The following PTPRU variants were observed in gnomAD, a reference collection of about 807,000 sequenced individuals.
The protein encoded by PTPRU is protein tyrosine phosphatase receptor type U.
PTPRU carries 69 observed loss-of-function variants against 166.3 expected under a neutral mutation model. The observed-to-expected ratio is 0.41, with a 90% CI of 0.34 to 0.51. The LOEUF (loss-of-function observed/expected upper bound fraction) is 0.51. Ranked by LOEUF, PTPRU falls within the 20% of genes least tolerant of loss-of-function variation. The pLI is 0.09. For missense variants in PTPRU, 1,657 were observed against 2,013.7 expected (o/e 0.82, Z 3.39); for synonymous variants, 793 against 814.0 (o/e 0.97, Z 0.44).
Position 29,238,828 on chromosome 1 carries a change from C to T in PTPRU, c.73+2111C>T, listed in dbSNP as rs2151936700. 6.6e-6 allele frequency among the ~76,000 whole-genome samples: 1 copy of T among 152,272 alleles called. No homozygotes were observed. The highest frequency in any genetic ancestry group is 2.1e-4 in the South Asian group (1 of 4,816). On this transcript the variant is annotated intron_variant, in intron 1 of 29. Coordinates refer to ENST00000373779, the MANE Select transcript of PTPRU (RefSeq NM_133178.4). The surrounding 1 kb of genome is among the most constrained non-coding windows in gnomAD (Gnocchi z 6.1). ...TTCAAGAACACTCACAAGCCCCAAGCCCTGCCAGCAGGAGGACTGTCAGGA... is the reference window on the plus strand; with the variant it reads ...TTCAAGAACACTCACAAGCCCCAAGTCCTGCCAGCAGGAGGACTGTCAGGA...
At position 29,260,127 on chromosome 1, in the gene PTPRU, C is replaced by CGTGGCCGGGGGGG; in HGVS notation, c.850+90_850+91insGGGGGGGTGGCCG. 1 of 413,188 alleles carries CGTGGCCGGGGGGG rather than the reference C, an allele frequency of 2.4e-6. No individual in the cohort carries two copies. The highest frequency in any genetic ancestry group is 3.5e-6 in the Non-Finnish European group (1 of 284,138). 25.6% of individuals were successfully genotyped at this position (413,188 alleles called of 1,614,324 possible). ...GACGGGGGCGGGCTCTGCCCGGGGGCGTGGCCGTGGGGGGTGGGGCCGGCA... is the reference window on the plus strand; with the variant it reads ...GACGGGGGCGGGCTCTGCCCGGGGGCGTGGCCGGGGGGGGTGGCCGTGGGGGGTGGGGCCGGCA... On this transcript the variant is annotated intron_variant, in intron 6 of 29. Coordinates refer to ENST00000373779, the MANE Select transcript of PTPRU (RefSeq NM_133178.4). This position sits in a 1 kb window ranked among gnomAD's most constrained non-coding sequence, Gnocchi z 8.3.
At chr1:29,298,505 G>T (rs185712399) in intron 15 of PTPRU, among the ~76,000 whole-genome samples, 1 of 152,302 alleles carries the variant, frequency 6.6e-6, no homozygotes, top group African/African-American at 2.4e-5. Flanking sequence ...GGTAACTGGT[G>T]GCGGGGCTGG....
rs1313830904 is a variant in PTPRU, at chr1:29,257,482, G to A, written c.206-1023G>A. ...GGAGGAGGCAGCGCTGGGTGGTTTC[G>A]GGTGCCCTTTGGGAAGCCCAAATCC... On this transcript the variant is annotated intron_variant, in intron 2 of 29. Transcript: ENST00000373779. This position sits in a 1 kb window ranked among gnomAD's most constrained non-coding sequence, Gnocchi z 4.6. Among the ~76,000 whole-genome samples, 2 of 152,136 alleles carry A rather than the reference G, an allele frequency of 1.3e-5. No individual in the cohort carries two copies. Among genetic ancestry groups the A allele is most frequent in the African/African-American group, 4.8e-5 (2 of 41,420 alleles).
intron 15 of PTPRU, among the ~76,000 whole-genome samples, 159 bp from the exon 16 acceptor site, chr1:29,303,696 A>T (rs1039967957): frequency 4.6e-5 from 7 of 152,192 alleles, no homozygotes; most frequent in African/African-American, 1.7e-4. Flanking sequence ...GTTCAGGACC[A>T]CACAGGGTGG....
At chr1:29,269,233 T>C (rs1685435712) in intron 7 of PTPRU, among the ~76,000 whole-genome samples, 1 of 41,976 alleles carries the variant, frequency 2.4e-5, no homozygotes, top group Non-Finnish European at 5.2e-5. Flanking sequence ...TATATATATA[T>C]ATATATATAT....
At chr1:29,241,441 T>A (rs1350861906) in intron 1 of PTPRU, among the ~76,000 whole-genome samples, 1 of 151,794 alleles carries the variant, frequency 6.6e-6, no homozygotes, top group Admixed American at 6.6e-5. Context: ...GGTGCCTGAG[T>A]GTCTGGTTGT....
chr1:29,299,220 A>C (rs181830051), intron 15 of PTPRU, among the ~76,000 whole-genome samples: 5 of 152,332 alleles, frequency 3.3e-5, no homozygotes, highest in African/African-American at 9.6e-5. Flanking sequence ...TCTGGGCCTC[A>C]GCCCTCCCCA....
chr1:29,247,386 G>A (rs995830758), intron 1 of PTPRU, among the ~76,000 whole-genome samples: 1 of 152,204 alleles, frequency 6.6e-6, no homozygotes, highest in Non-Finnish European at 1.5e-5. Context: ...GCACACTGTG[G>A]GCTCTGCTCC....
rs1574711747 is a variant in PTPRU at position 29,311,112 on chromosome 1, C to T, written c.2857+332C>T. On this transcript the variant is annotated intron_variant, in intron 19 of 29. Coordinates refer to ENST00000373779, the MANE Select transcript of PTPRU (RefSeq NM_133178.4). This position sits in a 1 kb window ranked among gnomAD's most constrained non-coding sequence, Gnocchi z 4.1. Reference sequence around the variant, plus strand: ...CCTCATGGGTGTGGGTTGGGCCTCTCGGTCTGGTGGCTGCCTGGATTCTTC... The same window carrying T: ...CCTCATGGGTGTGGGTTGGGCCTCTTGGTCTGGTGGCTGCCTGGATTCTTC... Among the ~76,000 whole-genome samples, 6 of 152,296 alleles carry T rather than the reference C, an allele frequency of 3.9e-5. No homozygotes were observed. The highest frequency in any genetic ancestry group is 1.9e-4 in the East Asian group (1 of 5,178).
rs1396123555 is a variant in PTPRU at position 29,237,609 on chromosome 1, G to A, written c.73+892G>A. Among the ~76,000 whole-genome samples the A allele has an allele frequency of 5.9e-5, 9 of 151,620 alleles. No individual in the cohort carries two copies. The highest frequency in any genetic ancestry group is 1.5e-4 in the African/African-American group (6 of 41,354). On this transcript the variant is annotated intron_variant, in intron 1 of 29. Transcript: ENST00000373779. This position sits in a 1 kb window ranked among gnomAD's most constrained non-coding sequence, Gnocchi z 6.4. The stretch of plus-strand genomic sequence containing the variant: ...GCGCGCTGGGCCGGAACAAGTTGTC[G>A]CGGCGGCGCCCCCTGGGCTGCCCGG...
At chr1:29,268,883 C>A (rs763289558) in intron 7 of PTPRU, among the ~76,000 whole-genome samples, 13 of 152,174 alleles carry the variant, frequency 8.5e-5, no homozygotes, top group Non-Finnish European at 1.6e-4. Flanking sequence ...ACCCAGGTTT[C>A]ATGATGACGG....
intron 13 of PTPRU, among the ~76,000 whole-genome samples, chr1:29,284,177 G>A (rs1686234823): frequency 6.6e-6 from 1 of 152,180 alleles, no homozygotes; most frequent in African/African-American, 2.4e-5. Context: ...CAGGGGCCTG[G>A]AGCAGGCTTG....
At chr1:29,253,467 A>G (rs1684642098) in intron 1 of PTPRU, among the ~76,000 whole-genome samples, 1 of 152,148 alleles carries the variant, frequency 6.6e-6, no homozygotes, top group South Asian at 2.1e-4. Flanking sequence ...GAGGACAGGA[A>G]TAGGTCAGAG....
chr1:29,258,129 T>C (rs1315908587), intron 2 of PTPRU, among the ~76,000 whole-genome samples: 1 of 152,126 alleles, frequency 6.6e-6, no homozygotes, highest in Non-Finnish European at 1.5e-5. Context: ...CACACCCTGC[T>C]AATTTTTGTT....
intron 18 of PTPRU, among the ~76,000 whole-genome samples, chr1:29,308,552 G>A (rs1687503690): frequency 8.5e-6 from 1 of 117,206 alleles, no homozygotes. Flanking sequence ...GACCAACAGA[G>A]CCAGTCCCTG....
chr1:29,241,994 C>T (rs868399087), intron 1 of PTPRU, among the ~76,000 whole-genome samples: 44 of 146,892 alleles, frequency 3.0e-4, no homozygotes, highest in Non-Finnish European at 3.6e-4. Flanking sequence ...TGGGTTCAAG[C>T]GATTCTCCTG....
chr1:29,268,348 G>A (rs1462440515), intron 7 of PTPRU, among the ~76,000 whole-genome samples: 2 of 152,162 alleles, frequency 1.3e-5, no homozygotes, highest in African/African-American at 4.8e-5. Flanking sequence ...TGTCTCCTAG[G>A]AGACATTTGA....
intron 2 of PTPRU, among the ~76,000 whole-genome samples, chr1:29,256,196 A>G (rs987774174): frequency 6.6e-6 from 1 of 152,224 alleles, no homozygotes; most frequent in Non-Finnish European, 1.5e-5. Context: ...TGCAGGGGTC[A>G]GTTATTTAAT....
intron 12 of PTPRU, chr1:29,283,590 C>A: frequency 2.9e-6 from 1 of 346,692 alleles, no homozygotes; most frequent in South Asian, 4.3e-5. Context: ...CCTCCAGGCT[C>A]CTCCCTCCTC....
Sources: allele counts gnomAD v4.1 joint callset (sites outside exome capture counted in the v4.1 genomes callset), GRCh38; gene constraint gnomAD v4.1.1; non-coding constraint Gnocchi (gnomAD v3.1); transcripts MANE v1.5; gene names NCBI Gene and HGNC (gene_info 2026-07-23, HGNC 2026-07-21).